The following PRKDC variants were observed in gnomAD, a reference collection of about 807,000 sequenced individuals.
PRKDC encodes the protein DNA-dependent protein kinase catalytic subunit.
In PRKDC, 82 loss-of-function variants were observed where a neutral mutation model predicts 486.9. That is an observed-to-expected ratio of 0.17 (90% CI 0.14 to 0.20). The LOEUF (loss-of-function observed/expected upper bound fraction) is 0.20, where lower values mean the gene tolerates loss of function less well. Ranked by LOEUF, PRKDC falls within the 10% of genes least tolerant of loss-of-function variation. The pLI is 1.00. For synonymous variants in PRKDC, 1,895 were observed against 1,837.0 expected, an observed-to-expected ratio of 1.03 and a Z score of -0.81; for missense variants, 4,504 against 5,038.2, an observed-to-expected ratio of 0.89 and a Z score of 3.21.
intron 49 of PRKDC, among the ~76,000 whole-genome samples, chr8:47,856,529 C>G (rs1046857921): frequency 6.6e-6 from 1 of 152,124 alleles, no homozygotes; most frequent in Non-Finnish European, 1.5e-5. Flanking sequence ...CATGCCTAGC[C>G]CCGCATGTGT....
intron 29 of PRKDC, among the ~76,000 whole-genome samples, chr8:47,897,574 A>T (rs971137598): frequency 2.0e-5 from 3 of 152,210 alleles, no homozygotes; most frequent in Non-Finnish European, 2.9e-5. Context: ...TTTCCTTTGC[A>T]ATATACCTTG....
chr8:47,879,691 G>C, intron 38 of PRKDC, 33 bp from the exon 39 acceptor site: 2 of 1,482,882 alleles, frequency 1.3e-6, no homozygotes, highest in Non-Finnish European at 1.8e-6. Context: ...GAAACTGCAC[G>C]AATTATGGCT....
chr8:47,950,080 T>C (rs2090602768), intron 7 of PRKDC, among the ~76,000 whole-genome samples: 1 of 151,142 alleles, frequency 6.6e-6, no homozygotes, highest in Admixed American at 6.6e-5. Context: ...GAGACCAGCC[T>C]GGCCAACATG....
chr8:47,787,809 C>G (rs1212131455), intron 76 of PRKDC, among the ~76,000 whole-genome samples: 1 of 152,116 alleles, frequency 6.6e-6, no homozygotes, highest in Admixed American at 6.6e-5. Context: ...ATGTGGAGGC[C>G]CTGCTGCTAA....
At chr8:47,888,988 T>TC in intron 33 of PRKDC, 26 bp downstream of exon 33, 1 of 1,597,790 alleles carries the variant, frequency 6.3e-7, no homozygotes, top group Non-Finnish European at 8.6e-7. Flanking sequence ...GGACAACATG[T>TC]CCCCGATTGT....
At chr8:47,783,659 T>G in intron 78 of PRKDC, 83 bp downstream of exon 78, 4 of 1,348,778 alleles carry the variant, frequency 3.0e-6, no homozygotes, top group Non-Finnish European at 4.2e-6. Flanking sequence ...GGCCGTTGTC[T>G]CATATACTAA....
intron 54 of PRKDC, among the ~76,000 whole-genome samples, chr8:47,846,011 C>A (rs149869160): frequency 2.0e-5 from 3 of 152,110 alleles, no homozygotes; most frequent in Non-Finnish European, 2.9e-5. Flanking sequence ...TCCTAGAATG[C>A]GAGGTTGGTT....
intron 49 of PRKDC, among the ~76,000 whole-genome samples, chr8:47,856,402 A>G (rs1229609128): frequency 6.6e-6 from 1 of 151,964 alleles, no homozygotes; most frequent in South Asian, 2.1e-4. Flanking sequence ...TAATTTTTGC[A>G]TTTTTTTAGT....
At chr8:47,777,925 A>G in intron 83 of PRKDC, 51 bp from the exon 84 acceptor site, 1 of 1,536,434 alleles carries the variant, frequency 6.5e-7, no homozygotes. Context: ...GAACTCTCAA[A>G]GTACCGAGCA....
chr8:47,887,583 G>A lies in PRKDC; in HGVS notation c.4536C>T (p.Ser1512=), dbSNP rs748906491. 1.2e-5 allele frequency: 19 copies of A among 1,593,302 alleles called. No homozygotes were observed. Among genetic ancestry groups the A allele is most frequent in the Admixed American group, 1.8e-5 (1 of 56,646 alleles). The change falls in exon 35 of 86, where the codon AGC becomes AGT. Residue 1512 remains serine, a synonymous_variant. Coordinates refer to ENST00000314191, the MANE Select transcript of PRKDC (RefSeq NM_006904.7). ...AAGCAAAGGCTAACTCCAGAAGTCC[G>A]CTGGCCAGCTGCTTACAACTGAGGT... is the stretch of plus-strand genomic sequence containing the variant. ...SLDLSCKQLA[S]GLLELAFAFG... is the part of the protein sequence containing the mutation.
intron 80 of PRKDC, among the ~76,000 whole-genome samples, chr8:47,780,606 T>C (rs1438664117): frequency 6.6e-6 from 1 of 152,174 alleles, no homozygotes; most frequent in Admixed American, 6.5e-5. Context: ...ATCTTAAAAT[T>C]CTCTCCTCCT....
intron 5 of PRKDC, 141 bp from the exon 6 acceptor site, chr8:47,954,060 G>C: frequency 1.9e-6 from 1 of 537,052 alleles, no homozygotes; most frequent in Non-Finnish European, 3.2e-6. Context: ...AAAGCTTTTA[G>C]GACTGCATTC....
At chr8:47,826,969 G>T in intron 62 of PRKDC, 108 bp from the exon 63 acceptor site, 1 of 1,028,852 alleles carries the variant, frequency 9.7e-7, no homozygotes, top group Non-Finnish European at 1.4e-6. Context: ...TGTGGGTAGT[G>T]ATATCACCAG....
chr8:47,900,273 G>C, intron 28 of PRKDC, 100 bp downstream of exon 28: 1 of 695,766 alleles, frequency 1.4e-6, no homozygotes, highest in Non-Finnish European at 2.0e-6. Context: ...GAACTCTTGG[G>C]AAAAAAAAAA....
At chr8:47,951,316 G>GCCTGGTGCAGGCAGGCAGAGAGC (rs2090621288) in intron 7 of PRKDC, among the ~76,000 whole-genome samples, 1 of 151,470 alleles carries the variant, frequency 6.6e-6, no homozygotes, top group Non-Finnish European at 1.5e-5. Context: ...AGCCATGCTA[G>GCCTGGTGCAGGCAGGCAGAGAGC]CATCACTGCA....
chr8:47,820,123 C>T (rs1213938321), intron 66 of PRKDC, among the ~76,000 whole-genome samples: 2 of 152,146 alleles, frequency 1.3e-5, no homozygotes, highest in Non-Finnish European at 2.9e-5. Flanking sequence ...ATAGAAAAGT[C>T]TACTCTTGGT....
chr8:47,807,186 C>T lies in PRKDC; in HGVS notation c.9698G>A (p.Ser3233Asn). 6.2e-7 allele frequency: 1 copy of T among 1,613,998 alleles called. No individual in the cohort carries two copies. The highest frequency in any genetic ancestry group is 8.5e-7 in the Non-Finnish European group (1 of 1,179,886). Residue 3233 changes from serine to asparagine, a missense_variant, in exon 69 of 86, where the codon AGT becomes AAT. Coordinates refer to ENST00000314191, the MANE Select transcript of PRKDC (RefSeq NM_006904.7). ...CTTCATTTTCATGGAAAACTTGCAA[C>T]TCCTGATCAGGGAGCTGATATCTTC... ...QEEDISSLIR[S>N]CKFSMKMKMI...
At chr8:47,912,185 G>A (rs1563799997) in intron 25 of PRKDC, among the ~76,000 whole-genome samples, 1 of 152,068 alleles carries the variant, frequency 6.6e-6, no homozygotes, top group South Asian at 2.1e-4. Flanking sequence ...CTACAACAGC[G>A]ATTCCCAAAC....
chr8:47,862,044 A>G lies in PRKDC; in HGVS notation c.5985+18T>C. 2 of 1,533,090 alleles carry G rather than the reference A, an allele frequency of 1.3e-6. No individual in the cohort carries two copies. The highest frequency in any genetic ancestry group is 2.4e-5 in the East Asian group (1 of 40,894). The allele number at this position is 1,533,090 out of a possible 1,614,324, so 95.0% of individuals were successfully genotyped here. On this transcript the variant is annotated intron_variant, in intron 44 of 85. Transcript: ENST00000314191. ...GAGCACTTGATAAGTTTTTTTTAAC[A>G]TTGAAAATTTCACTCACCTCAACTT... is the stretch of plus-strand genomic sequence containing the variant.
Sources: allele counts gnomAD v4.1 joint callset (sites outside exome capture counted in the v4.1 genomes callset), GRCh38; gene constraint gnomAD v4.1.1; transcripts MANE v1.5; gene names NCBI Gene and HGNC (gene_info 2026-07-23, HGNC 2026-07-21).